LHX8: variants seen among roughly 807,000 people sequenced by gnomAD.
LHX8 encodes LIM homeobox 8, also known as LIM/homeobox protein Lhx8.
In LHX8, 12 loss-of-function variants were observed where a neutral mutation model predicts 40.3. The ratio of observed to expected loss-of-function variants is 0.30; its 90% confidence interval spans 0.19 to 0.48. The LOEUF (loss-of-function observed/expected upper bound fraction) is 0.48, where lower values mean the gene tolerates loss of function less well. LHX8 is among the 20% of genes least tolerant of loss of function. LHX8 has a pLI of 0.99. For synonymous variants in LHX8, 179 were observed against 162.0 expected (o/e 1.10, Z -0.80); for missense variants, 344 against 433.7 (o/e 0.79, Z 1.84).
upstream of LHX8, chr1:75,132,381 G>A (rs1268014879): frequency 6.6e-6 from 1 of 152,204 alleles, no homozygotes; most frequent in African/African-American, 2.4e-5. Flanking sequence ...CTCAAGGAGG[G>A]GTGCGCGCAG....
downstream of LHX8, among the ~76,000 whole-genome samples, chr1:75,162,238 G>C (rs1648935628): frequency 6.8e-6 from 1 of 146,532 alleles, no homozygotes; most frequent in African/African-American, 2.4e-5. Context: ...TTCATTATGG[G>C]AGAAAGGGGA....
At chr1:75,132,789 T>A (rs12132609), upstream of LHX8, 31,958 of 122,260 alleles carry the variant, frequency 0.26, 4,179 homozygotes, top group Middle Eastern at 0.36. Context: ...ACACACACAC[T>A]GTAATTAAAT....
At chr1:75,178,692 A>G in the LHX8 span, among the ~76,000 whole-genome samples, 2 of 151,880 alleles carry the variant, frequency 1.3e-5, no homozygotes, top group Admixed American at 6.6e-5. Flanking sequence ...CTCTGATCTT[A>G]GTTATTTCTT....
the LHX8 span, among the ~76,000 whole-genome samples, chr1:75,176,301 A>G: frequency 6.6e-6 from 1 of 152,104 alleles, no homozygotes. Context: ...GGGTAAACAC[A>G]TTCTTATATC....
intron 4 of LHX8, among the ~76,000 whole-genome samples, chr1:75,141,637 A>C (rs1217069532): frequency 1.3e-5 from 2 of 152,184 alleles, no homozygotes; most frequent in Non-Finnish European, 2.9e-5. Context: ...ATTCTGCCTC[A>C]AACTATTTCT....
intron 4 of LHX8, among the ~76,000 whole-genome samples, chr1:75,142,601 T>G (rs545784199): frequency 3.3e-5 from 5 of 152,160 alleles, no homozygotes; most frequent in Non-Finnish European, 7.4e-5. Context: ...ATATACATTC[T>G]TTGATAATTT....
chr1:75,135,370 G>T (rs1229334177), intron 1 of LHX8, among the ~76,000 whole-genome samples: 1 of 152,244 alleles, frequency 6.6e-6, no homozygotes, highest in Non-Finnish European at 1.5e-5. Flanking sequence ...TTGCTCCGAA[G>T]CCGGTTGGGG....
chr1:75,131,930 C>A (rs905810327), upstream of LHX8: 18 of 152,222 alleles, frequency 1.2e-4, no homozygotes, highest in Admixed American at 9.8e-4. Context: ...GGAACTGTCA[C>A]GACGCAGGCG....
chr1:75,197,205 G>A, the LHX8 span, among the ~76,000 whole-genome samples: 5 of 152,058 alleles, frequency 3.3e-5, no homozygotes, highest in South Asian at 8.3e-4. Flanking sequence ...GTTTCATATC[G>A]GAAATTTTTT....
At chr1:75,170,915 T>A in the LHX8 span, among the ~76,000 whole-genome samples, 1 of 152,238 alleles carries the variant, frequency 6.6e-6, no homozygotes, top group African/African-American at 2.4e-5. Flanking sequence ...ATTTACTCTT[T>A]ACAACATTGC....
chr1:75,130,664 C>G, upstream of LHX8: 2 of 1,521,650 alleles, frequency 1.3e-6, no homozygotes, highest in Non-Finnish European at 1.8e-6. Flanking sequence ...AGTCTGGGAC[C>G]GGTAAGTCCC....
intron 3 of LHX8, 132 bp from the exon 4 acceptor site, chr1:75,140,853 A>G (rs965578006): frequency 3.4e-6 from 3 of 874,576 alleles, no homozygotes; most frequent in African/African-American, 3.4e-5. Context: ...AAAAAATGAC[A>G]TCTTTTGGAT....
chr1:75,142,130 C>T (rs1281272200), intron 4 of LHX8, among the ~76,000 whole-genome samples: 3 of 152,118 alleles, frequency 2.0e-5, no homozygotes, highest in Admixed American at 1.3e-4. Flanking sequence ...TTGGTAGTAA[C>T]TTAAAGCCCT....
intron 8 of LHX8, 76 bp from the exon 9 acceptor site, chr1:75,160,743 G>T: frequency 8.3e-6 from 8 of 968,392 alleles, no homozygotes; most frequent in Non-Finnish European, 1.3e-5. Context: ...CAATGCCTTG[G>T]ATTGTTTTTG....
the LHX8 span, among the ~76,000 whole-genome samples, chr1:75,173,697 T>G: frequency 1.3e-5 from 2 of 152,132 alleles, no homozygotes; most frequent in Admixed American, 6.6e-5. Context: ...TATATACTGT[T>G]AATCATTATG....
In LHX8 at chr1:75,137,199, C is replaced by G; in HGVS notation, c.175C>G (p.Pro59Ala). Residue 59 changes from proline to alanine, a missense_variant, in exon 3 of 9, where the codon CCT becomes GCT. Physicochemically the swap from Pro to Ala is conservative, Grantham distance 27. Coordinates refer to ENST00000356261, the MANE Select transcript of LHX8 (RefSeq NM_001256114.2). ...PRSMASGSGC[P>A]PGKCVCNSCG... The stretch of plus-strand genomic sequence containing the variant: ...GTCCATGGCCTCGGGCTCCGGCTGC[C>G]CTCCTGGCAAGTGTGTGTGCAACAG... 1 of 1,613,614 alleles carries G rather than the reference C, an allele frequency of 6.2e-7. No individual in the cohort carries two copies. The highest frequency in any genetic ancestry group is 8.5e-7 in the Non-Finnish European group (1 of 1,179,978).
At chr1:75,144,131 G>A (rs554595648) in intron 6 of LHX8, among the ~76,000 whole-genome samples, 183 bp downstream of exon 6, 1 of 152,096 alleles carries the variant, frequency 6.6e-6, no homozygotes, top group Non-Finnish European at 1.5e-5. Flanking sequence ...TGCATTTCTA[G>A]CATCATAATA....
the LHX8 span, among the ~76,000 whole-genome samples, chr1:75,188,633 A>G: frequency 6.6e-6 from 1 of 152,288 alleles, no homozygotes; most frequent in South Asian, 2.1e-4. Context: ...CTCCCTAGGT[A>G]GAGGCACTAT....
chr1:75,160,880 A>G lies in LHX8; in HGVS notation c.1026A>G (p.Pro342=). Reference sequence around the variant, plus strand: ...TACCCCATTCAATGACACAACTGCCAATAAGTCATACCTAATTCTTTTTTC... The same window carrying G: ...TACCCCATTCAATGACACAACTGCCGATAAGTCATACCTAATTCTTTTTTC... ...PLLPHSMTQL[P]ISHT The change falls in exon 9 of 9, where the codon CCA becomes CCG. Residue 342 remains proline, a synonymous_variant. Coordinates refer to ENST00000356261, the MANE Select transcript of LHX8 (RefSeq NM_001256114.2). 6.2e-7 allele frequency: 1 copy of G among 1,611,610 alleles called. No individual in the cohort carries two copies. The highest frequency in any genetic ancestry group is 1.1e-5 in the South Asian group (1 of 91,022).
Sources: gnomAD v4.1 joint callset for allele counts (sites outside exome capture counted in the v4.1 genomes callset) on GRCh38, gnomAD v4.1.1 for gene constraint, MANE v1.5 for transcripts, NCBI Gene and HGNC (gene_info 2026-07-23, HGNC 2026-07-21) for gene names.